SLC1A1: variants seen among roughly 807,000 people sequenced by gnomAD.
SLC1A1 encodes excitatory amino acid transporter 3.
Under a neutral mutation model 53.3 loss-of-function variants are expected in SLC1A1, and 43 were observed. That is an observed-to-expected ratio of 0.81 (90% CI 0.63 to 1.04). SLC1A1 has a LOEUF of 1.04. SLC1A1 is among the 50% of genes least tolerant of loss of function. SLC1A1 has a pLI of 0.00. For synonymous variants in SLC1A1, 307 were observed against 243.2 expected (o/e 1.26, Z -2.44); for missense variants, 748 against 664.9 (o/e 1.12, Z -1.37).
At chr9:4,500,914 C>G (rs1242894421) in intron 1 of SLC1A1, among the ~76,000 whole-genome samples, 1 of 152,176 alleles carries the variant, frequency 6.6e-6, no homozygotes, top group Non-Finnish European at 1.5e-5. Flanking sequence ...CTCCCAGGCC[C>G]AGCCTCGGCT....
At chr9:4,535,446 C>T (rs982438160) in intron 1 of SLC1A1, among the ~76,000 whole-genome samples, 1 of 152,112 alleles carries the variant, frequency 6.6e-6, no homozygotes. Context: ...CATGAGTGAA[C>T]TCCCATTCAC....
intron 1 of SLC1A1, among the ~76,000 whole-genome samples, chr9:4,514,913 A>ATTACT (rs1210061061): frequency 1.3e-5 from 2 of 152,128 alleles, no homozygotes; most frequent in African/African-American, 4.8e-5. Context: ...ATTACATTAC[A>ATTACT]TTACTTTACA....
In SLC1A1 at chr9:4,564,553, T is replaced by C. The variant is rs560756211; in HGVS notation, c.440+95T>C. 3.8e-6 allele frequency: 3 copies of C among 793,172 alleles called. No individual in the cohort carries two copies. In the African/African-American group the frequency reaches 5.1e-5, roughly 13 times the overall value. The allele number at this position is 793,172 out of a possible 1,614,324, so 49.1% of individuals were successfully genotyped here. On this transcript the variant is annotated intron_variant, in intron 4 of 11. Coordinates refer to ENST00000262352, the MANE Select transcript of SLC1A1 (RefSeq NM_004170.6). ...ATATTCTGCTGTTACTGTATTGAAATTTTTAATAACTTTTGAATTATTGTG... is the reference window on the plus strand; with the variant it reads ...ATATTCTGCTGTTACTGTATTGAAACTTTTAATAACTTTTGAATTATTGTG...
At chr9:4,560,298 G>C (rs1818811440) in intron 2 of SLC1A1, among the ~76,000 whole-genome samples, 1 of 152,144 alleles carries the variant, frequency 6.6e-6, no homozygotes, top group African/African-American at 2.4e-5. Flanking sequence ...TAAAGATCCA[G>C]CAATAAGTGG....
intron 6 of SLC1A1, among the ~76,000 whole-genome samples, chr9:4,570,152 T>C (rs1042683480): frequency 2.0e-5 from 3 of 152,202 alleles, no homozygotes; most frequent in African/African-American, 7.2e-5. Context: ...CCCACATTCA[T>C]GTCCCACTCT....
Position 4,576,717 on chromosome 9 carries a change from C to A in SLC1A1, c.1147C>A (p.Gln383Lys). The change falls in exon 10 of 12, where the codon CAG (glutamine) becomes AAG (lysine). Residue 383 changes from glutamine (Q) to lysine (K), a missense_variant. Gln to Lys is a moderately conservative substitution (Grantham distance 53). Transcript: ENST00000262352. ...YEAVAAVFIA[Q>K]LNDLDLGIGQ... ...AGCAGTGGCAGCGGTGTTTATTGCA[C>A]AGTTGAATGACCTGGACTTGGGCAT... 6.2e-7 allele frequency: 1 copy of A among 1,614,206 alleles called. No homozygotes were observed. Among genetic ancestry groups the A allele is most frequent in the South Asian group, 1.1e-5 (1 of 91,086 alleles).
At chr9:4,502,892 C>T (rs1820683910) in intron 1 of SLC1A1, among the ~76,000 whole-genome samples, 1 of 151,596 alleles carries the variant, frequency 6.6e-6, no homozygotes, top group Non-Finnish European at 1.5e-5. Flanking sequence ...TAGTCCTTTC[C>T]GCTACGCTTC....
At chr9:4,539,148 A>G (rs912903323) in intron 1 of SLC1A1, among the ~76,000 whole-genome samples, 1 of 152,242 alleles carries the variant, frequency 6.6e-6, no homozygotes, top group African/African-American at 2.4e-5. Flanking sequence ...CAAATACCCC[A>G]AAAGAAGAAC....
chr9:4,544,040 T>C (rs1047164298), intron 1 of SLC1A1, among the ~76,000 whole-genome samples: 1 of 151,972 alleles, frequency 6.6e-6, no homozygotes, highest in Non-Finnish European at 1.5e-5. Context: ...TAGCTGGACA[T>C]GGTGGTGCGC....
At chr9:4,538,842 G>C (rs1016057639) in intron 1 of SLC1A1, among the ~76,000 whole-genome samples, 3 of 152,138 alleles carry the variant, frequency 2.0e-5, no homozygotes, top group South Asian at 4.1e-4. Context: ...GAAACTATCC[G>C]TCTATTTATC....
intron 10 of SLC1A1, among the ~76,000 whole-genome samples, chr9:4,581,029 G>A (rs997164913): frequency 1.7e-4 from 26 of 152,136 alleles, no homozygotes; most frequent in African/African-American, 5.8e-4. Flanking sequence ...GATGCCTTAC[G>A]TGTATTAACC....
intron 2 of SLC1A1, among the ~76,000 whole-genome samples, chr9:4,561,022 C>T (rs1157507210): frequency 6.6e-6 from 1 of 151,960 alleles, no homozygotes; most frequent in African/African-American, 2.4e-5. Flanking sequence ...CAAACAACAA[C>T]AACAACAAAC....
At chr9:4,554,078 A>C (rs1314126922) in intron 2 of SLC1A1, 4 of 152,238 alleles carry the variant, frequency 2.6e-5, no homozygotes, top group African/African-American at 9.6e-5. Flanking sequence ...CTATGAAGTC[A>C]TCAAGTAGGT....
intron 1 of SLC1A1, among the ~76,000 whole-genome samples, chr9:4,514,791 G>A (rs914431440): frequency 2.0e-5 from 3 of 152,132 alleles, no homozygotes; most frequent in Non-Finnish European, 2.9e-5. Flanking sequence ...GAATGAACTG[G>A]CAGAGACAAG....
Position 4,490,578 on chromosome 9 carries a change from T to G in SLC1A1, c.-102T>G, listed in dbSNP as rs901810376. 1.7e-5 allele frequency: 15 copies of G among 901,360 alleles called. No individual in the cohort carries two copies. The highest frequency in any genetic ancestry group is 1.2e-4 in the South Asian group (8 of 69,506). 55.8% of individuals were successfully genotyped at this position (901,360 alleles called of 1,614,324 possible). On this transcript the variant is annotated 5_prime_UTR_variant, in exon 1 of 12. Transcript: ENST00000262352. ...CAGCGGCCGGCTCTCACCTCTCCCC[T>G]GTGCACCCGCATCTCGCCGCGCCGC...
At chr9:4,515,455 A>G (rs1269766394) in intron 1 of SLC1A1, among the ~76,000 whole-genome samples, 1 of 152,200 alleles carries the variant, frequency 6.6e-6, no homozygotes, top group Non-Finnish European at 1.5e-5. Flanking sequence ...ATCCAGGTAG[A>G]GTCCCAGCAG....
chr9:4,545,187 A>ACGTCTCTCTCTCTCTCTCTCTC (rs1482539598), intron 2 of SLC1A1, among the ~76,000 whole-genome samples: 27 of 49,038 alleles, frequency 5.5e-4, no homozygotes, highest in African/African-American at 1.6e-3. Context: ...AATACATTAG[A>ACGTCTCTCTCTCTCTCTCTCTC]TGTCTCTCTC....
chr9:4,568,356 T>C (rs1402975256), intron 6 of SLC1A1, among the ~76,000 whole-genome samples: 1 of 150,834 alleles, frequency 6.6e-6, no homozygotes, highest in Admixed American at 6.6e-5. Context: ...AATTCAAGGC[T>C]GCAGTGAGCC....
intron 3 of SLC1A1, among the ~76,000 whole-genome samples, chr9:4,563,238 A>G (rs904030275): frequency 1.3e-5 from 2 of 152,002 alleles, no homozygotes; most frequent in Non-Finnish European, 1.5e-5. Context: ...CCCTGCTTCA[A>G]TGAGCTGATA....
Sources: gnomAD v4.1 joint callset for allele counts (sites outside exome capture counted in the v4.1 genomes callset) on GRCh38, gnomAD v4.1.1 for gene constraint, MANE v1.5 for transcripts, NCBI Gene and HGNC (gene_info 2026-07-23, HGNC 2026-07-21) for gene names.